The following MKX variants were observed in gnomAD, a reference collection of about 807,000 sequenced individuals.
The protein encoded by MKX is homeobox protein Mohawk.
A neutral mutation model predicts 36.0 loss-of-function variants in MKX; 13 were observed. The observed-to-expected ratio is 0.36, with a 90% CI of 0.24 to 0.57. The LOEUF (loss-of-function observed/expected upper bound fraction) is 0.57, where lower values mean the gene tolerates loss of function less well. MKX is among the 20% of genes least tolerant of loss of function. The pLI is 0.79. For missense variants in MKX, 458 were observed against 456.4 expected (o/e 1.00, Z -0.03); for synonymous variants, 176 against 178.3 (o/e 0.99, Z 0.10).
chr10:27,693,604 A>G (rs1225013251), intron 5 of MKX, among the ~76,000 whole-genome samples: 1 of 151,884 alleles, frequency 6.6e-6, no homozygotes, highest in Non-Finnish European at 1.5e-5. Flanking sequence ...ATGAATTTAA[A>G]TGCCAAACGA....
At chr10:27,677,837 T>C (rs1266344688) in intron 5 of MKX, among the ~76,000 whole-genome samples, 2 of 152,226 alleles carry the variant, frequency 1.3e-5, no homozygotes, top group Non-Finnish European at 2.9e-5. Context: ...TATAAGGTTT[T>C]AGGGATCCTT....
At chr10:27,726,534 G>T (rs1834492204) in intron 5 of MKX, among the ~76,000 whole-genome samples, 1 of 151,946 alleles carries the variant, frequency 6.6e-6, no homozygotes, top group Non-Finnish European at 1.5e-5. Flanking sequence ...TTGTCTATCG[G>T]CTGTGCTTTT....
In MKX at chr10:27,742,228, G is replaced by A. The variant is rs1834914919; in HGVS notation, c.189-724C>T. Among the ~76,000 whole-genome samples the A allele has an allele frequency of 6.6e-6, 1 of 152,182 alleles. No individual in the cohort carries two copies. Among genetic ancestry groups the A allele is most frequent in the African/African-American group, 2.4e-5 (1 of 41,472 alleles). On this transcript the variant is annotated intron_variant, in intron 2 of 6. Coordinates refer to ENST00000419761, the MANE Select transcript of MKX (RefSeq NM_173576.3). The surrounding 1 kb of genome is among the most constrained non-coding windows in gnomAD (Gnocchi z 4.2). The stretch of plus-strand genomic sequence containing the variant: ...GAAAAGCACATTCAAAGGGGGAGGA[G>A]GCAGAGGCAGCCAGGAGCCTGGAGC...
At chr10:27,737,684 G>T (rs1834808816) in intron 3 of MKX, among the ~76,000 whole-genome samples, 2 of 151,908 alleles carry the variant, frequency 1.3e-5, no homozygotes, top group Admixed American at 6.6e-5. Flanking sequence ...GTCCTTCTTT[G>T]CTCCTTTCAC....
At chr10:27,731,569 T>C (rs1834630228) in intron 5 of MKX, among the ~76,000 whole-genome samples, 1 of 152,246 alleles carries the variant, frequency 6.6e-6, no homozygotes, top group Non-Finnish European at 1.5e-5. Context: ...AAACAAATCA[T>C]TTAGTCTGCC....
At position 27,741,229 on chromosome 10, in the gene MKX, G is replaced by A. The variant is rs940887448; in HGVS notation, c.348+116C>T. ...GGTAATTCAGAAACTCCCACAGCTC[G>A]GCTCCATCCCTCTCCAGGTAGAAGC... On this transcript the variant is annotated intron_variant, in intron 3 of 6. Coordinates refer to ENST00000419761, the MANE Select transcript of MKX (RefSeq NM_173576.3). The surrounding 1 kb of genome is among the most constrained non-coding windows in gnomAD (Gnocchi z 5.1). The A allele has an allele frequency of 3.0e-6, 4 of 1,311,992 alleles. No individual in the cohort carries two copies. The South Asian group carries it at 5.2e-5, about 17-fold the overall frequency. The allele number at this position is 1,311,992 out of a possible 1,614,324, so 81.3% of individuals were successfully genotyped here. A position where few individuals can be genotyped will look rare whatever the true frequency, so the allele number is the denominator to read the frequency against.
rs746426904 is a variant in MKX at position 27,734,797 on chromosome 10, G to A, written c.503-6C>T. On this transcript the variant is annotated splice_region_variant and splice_polypyrimidine_tract_variant and intron_variant, in intron 4 of 6. Coordinates refer to ENST00000419761, the MANE Select transcript of MKX (RefSeq NM_173576.3). ...TCTTGGAGGATTTTCTCCATCTAAA[G>A]TGGAACAGTATCACTAAGTAGGGTG... The A allele has an allele frequency of 6.2e-7, 1 of 1,602,636 alleles. No individual in the cohort carries two copies. The highest frequency in any genetic ancestry group is 2.2e-5 in the East Asian group (1 of 44,786).
chr10:27,705,417 C>A (rs769415948), intron 5 of MKX, among the ~76,000 whole-genome samples: 1 of 152,118 alleles, frequency 6.6e-6, no homozygotes, highest in Admixed American at 6.6e-5. Context: ...TGCAGTGGCA[C>A]GGTCATACCT....
At chr10:27,676,302 G>C (rs189697698) in intron 5 of MKX, among the ~76,000 whole-genome samples, 14 of 115,076 alleles carry the variant, frequency 1.2e-4, no homozygotes, top group Middle Eastern at 6.0e-3. Context: ...AAAGGGGGGG[G>C]TTCTAGAAAA....
intron 5 of MKX, among the ~76,000 whole-genome samples, chr10:27,679,185 G>A (rs541088775): frequency 6.6e-6 from 1 of 152,260 alleles, no homozygotes; most frequent in African/African-American, 2.4e-5. Context: ...ACAAGTTGAT[G>A]AGTGTAGCAA....
At position 27,734,469 on chromosome 10, in the gene MKX, A is replaced by C. The variant is rs374332156; in HGVS notation, c.825T>G (p.Phe275Leu). 6.3e-5 allele frequency: 101 copies of C among 1,613,910 alleles called. No homozygotes were observed. Among genetic ancestry groups the C allele is most frequent in the Non-Finnish European group, 8.1e-5 (96 of 1,179,944 alleles). Residue 275 changes from phenylalanine to leucine, a missense_variant, in exon 5 of 7, where the codon TTT becomes TTG. By Grantham distance (22) the Phe-to-Leu change is conservative. This residue lies in a region of MKX where 297 missense variants were observed against 304.4 expected (regional missense o/e 0.98). Coordinates refer to ENST00000419761, the MANE Select transcript of MKX (RefSeq NM_173576.3). Reference sequence around the variant, plus strand: ...GCACGGACTTACCTGTGCGATAGACAAAGTTGCCTTCAGTTTCTGATGACG... The same window carrying C: ...GCACGGACTTACCTGTGCGATAGACCAAGTTGCCTTCAGTTTCTGATGACG... ...SPSSSETEGNFVYRTDTLENG... is the reference protein window; with the variant it reads ...SPSSSETEGNLVYRTDTLENG...
intron 5 of MKX, among the ~76,000 whole-genome samples, chr10:27,711,773 A>G (rs929948633): frequency 2.7e-5 from 4 of 149,116 alleles, no homozygotes; most frequent in Non-Finnish European, 4.4e-5. Context: ...TTTAATAGAA[A>G]TGGGGTCTCG....
chr10:27,736,357 CAAGACAAAGAAAAGCTACTTCCATTCT>C (rs1834776728), intron 3 of MKX, among the ~76,000 whole-genome samples: 1 of 142,966 alleles, frequency 7.0e-6, no homozygotes, highest in Non-Finnish European at 1.5e-5. Flanking sequence ...AGAAATATGT[CAAGACAAAGAAAAGCTACTTCCATTCT>C]TTTTTTTTTA....
chr10:27,711,499 T>TCTCTCTTCCTTTC (rs1554772224), intron 5 of MKX, among the ~76,000 whole-genome samples: 27 of 93,076 alleles, frequency 2.9e-4, no homozygotes, highest in African/African-American at 1.2e-3. Context: ...CTCTCTCTTC[T>TCTCTCTTCCTTTC]TTCCTTCCTT....
chr10:27,712,073 T>C (rs1436529921), intron 5 of MKX, among the ~76,000 whole-genome samples: 1 of 152,082 alleles, frequency 6.6e-6, no homozygotes, highest in Non-Finnish European at 1.5e-5. Context: ...TGGGATCCCG[T>C]GGTGCCCCAC....
At chr10:27,701,603 A>T in intron 5 of MKX, among the ~76,000 whole-genome samples, 1 of 145,330 alleles carries the variant, frequency 6.9e-6, no homozygotes, top group East Asian at 2.0e-4. Context: ...TGTTTTTAAT[A>T]TTAAAAATAA....
Position 27,674,948 on chromosome 10 carries a change from G to T in MKX, c.*281C>A. 3.5e-6 allele frequency: 1 copy of T among 287,394 alleles called. No individual in the cohort carries two copies. Among genetic ancestry groups the T allele is most frequent in the East Asian group, 8.0e-5 (1 of 12,562 alleles). The allele number at this position is 287,394 out of a possible 1,614,324, so 17.8% of individuals were successfully genotyped here. ...GCATAGCTTGTTCAACTATGCCCAC[G>T]TTGGAGCTTATTGTCGGGAAGCAAG... On this transcript the variant is annotated 3_prime_UTR_variant, in exon 7 of 7. Transcript: ENST00000419761.
chr10:27,681,157 C>A (rs1210359424), intron 5 of MKX, among the ~76,000 whole-genome samples: 1 of 152,142 alleles, frequency 6.6e-6, no homozygotes, highest in Non-Finnish European at 1.5e-5. Flanking sequence ...TGTAAAGAAA[C>A]CTACTGAGGC....
chr10:27,735,470 C>T, intron 3 of MKX, 96 bp from the exon 4 acceptor site: 1 of 908,388 alleles, frequency 1.1e-6, no homozygotes, highest in Non-Finnish European at 1.6e-6. Flanking sequence ...CTCAGCACCT[C>T]TGATCATTAA....
Sources: gnomAD v4.1 joint callset for allele counts (sites outside exome capture counted in the v4.1 genomes callset) on GRCh38, gnomAD v4.1.1 for gene constraint, gnomAD v4.1.1 regional missense constraint, Gnocchi (gnomAD v3.1) non-coding constraint, MANE v1.5 for transcripts, NCBI Gene and HGNC (gene_info 2026-07-23, HGNC 2026-07-21) for gene names.